The following ROR2 variants were observed in gnomAD, a reference collection of about 807,000 sequenced individuals.
ROR2 encodes tyrosine-protein kinase transmembrane receptor ROR2.
ROR2 carries 33 observed loss-of-function variants against 74.9 expected under a neutral mutation model. The observed-to-expected ratio is 0.44, with a 90% CI of 0.33 to 0.59. The LOEUF (loss-of-function observed/expected upper bound fraction) is 0.59, where lower values mean the gene tolerates loss of function less well. Ranked by LOEUF, ROR2 falls within the 20% of genes least tolerant of loss-of-function variation. The pLI, the probability that ROR2 is intolerant of heterozygous loss-of-function variation, is 0.02. For missense variants in ROR2, 1,216 were observed against 1,313.8 expected (o/e 0.93, Z 1.15); for synonymous variants, 586 against 558.7 (o/e 1.05, Z -0.69).
At chr9:91,935,638 A>C (rs1587859086) in intron 1 of ROR2, among the ~76,000 whole-genome samples, 2 of 152,340 alleles carry the variant, frequency 1.3e-5, no homozygotes, top group East Asian at 3.9e-4. Flanking sequence ...GACGGGCAGC[A>C]CTAGGCGCCT....
chr9:91,949,739 C>G (rs1832119240), intron 1 of ROR2, 128 bp downstream of exon 1: 6 of 700,638 alleles, frequency 8.6e-6, no homozygotes, highest in South Asian at 7.5e-5. Flanking sequence ...GCGAATGGCC[C>G]TGCCTGGCGC....
chr9:91,850,496 A>T (rs951132460), intron 1 of ROR2, among the ~76,000 whole-genome samples: 1 of 152,170 alleles, frequency 6.6e-6, no homozygotes, highest in Non-Finnish European at 1.5e-5. Flanking sequence ...AGCAAAGGGA[A>T]GGAGACAGGG....
intron 1 of ROR2, among the ~76,000 whole-genome samples, chr9:91,780,874 C>T (rs1424900777): frequency 2.6e-5 from 4 of 152,232 alleles, no homozygotes; most frequent in African/African-American, 9.6e-5. Context: ...CACAATCATT[C>T]TCTCATTAAC....
At position 91,950,063 on chromosome 9, in the gene ROR2, C is replaced by T. The variant is rs921178711; in HGVS notation, c.-100G>A. The T allele has an allele frequency of 1.9e-6, 1 of 535,206 alleles. No homozygotes were observed. Among genetic ancestry groups the T allele is most frequent in the Non-Finnish European group, 3.0e-6 (1 of 329,450 alleles). 33.2% of individuals were successfully genotyped at this position (535,206 alleles called of 1,614,324 possible). On this transcript the variant is annotated 5_prime_UTR_variant, in exon 1 of 9. Coordinates refer to ENST00000375708, the MANE Select transcript of ROR2 (RefSeq NM_004560.4). ...CTACGATGCGTCCGCTCCTCCTTCTCCCTGGCGCTTCGCAAACGGGTCCAC... is the reference window on the plus strand; with the variant it reads ...CTACGATGCGTCCGCTCCTCCTTCTTCCTGGCGCTTCGCAAACGGGTCCAC...
intron 1 of ROR2, among the ~76,000 whole-genome samples, chr9:91,890,809 A>G (rs1830403256): frequency 6.6e-6 from 1 of 152,230 alleles, no homozygotes; most frequent in African/African-American, 2.4e-5. Context: ...ATATTCACTG[A>G]AGATCTTTGA....
At chr9:91,755,319 A>C (rs1234711796) in intron 4 of ROR2, among the ~76,000 whole-genome samples, 1 of 152,224 alleles carries the variant, frequency 6.6e-6, no homozygotes, top group Admixed American at 6.5e-5. Flanking sequence ...ACACTTTACC[A>C]ACCATATAGT....
At chr9:91,747,511 A>G (rs544374295) in intron 4 of ROR2, among the ~76,000 whole-genome samples, 9 of 152,236 alleles carry the variant, frequency 5.9e-5, no homozygotes, top group Non-Finnish European at 1.3e-4. Flanking sequence ...CCAAGGCGAT[A>G]CTACTATTCG....
intron 1 of ROR2, among the ~76,000 whole-genome samples, chr9:91,849,910 A>C (rs573579220): frequency 6.6e-6 from 1 of 152,324 alleles, no homozygotes; most frequent in African/African-American, 2.4e-5. Flanking sequence ...CATTTTCTTC[A>C]TTGCTGTGTA....
At chr9:91,831,542 G>A (rs777362485) in intron 1 of ROR2, among the ~76,000 whole-genome samples, 16 of 152,274 alleles carry the variant, frequency 1.1e-4, no homozygotes, top group South Asian at 6.2e-4. Flanking sequence ...TTGGGAGGCC[G>A]AGGTGGGTGG....
chr9:91,868,915 T>A (rs1173893969), intron 1 of ROR2, among the ~76,000 whole-genome samples: 3 of 152,192 alleles, frequency 2.0e-5, no homozygotes, highest in African/African-American at 7.2e-5. Flanking sequence ...CACACATCAA[T>A]GTTGGGAATG....
intron 4 of ROR2, among the ~76,000 whole-genome samples, chr9:91,742,033 A>C (rs1310024637): frequency 6.6e-6 from 1 of 152,252 alleles, no homozygotes; most frequent in Non-Finnish European, 1.5e-5. Context: ...CATACCACTG[A>C]TAAAAGACAT....
chr9:91,775,472 G>A (rs978070378), intron 2 of ROR2, among the ~76,000 whole-genome samples: 2 of 151,980 alleles, frequency 1.3e-5, no homozygotes, highest in Non-Finnish European at 2.9e-5. Flanking sequence ...CTAAGGCTCC[G>A]CTCAGGCCCT....
chr9:91,765,186 T>A (rs982643538), intron 2 of ROR2, among the ~76,000 whole-genome samples: 1 of 152,202 alleles, frequency 6.6e-6, no homozygotes, highest in Non-Finnish European at 1.5e-5. Flanking sequence ...GCTCTCTCCC[T>A]ATTTTTAATA....
chr9:91,733,541 C>A lies in ROR2; in HGVS notation c.623-105G>T. On this transcript the variant is annotated intron_variant, in intron 5 of 8. Transcript: ENST00000375708. This position sits in a 1 kb window ranked among gnomAD's most constrained non-coding sequence, Gnocchi z 5.7. ...GGCATCCCAGACTGCCCACTCAGCC[C>A]CCTGATGCCCCGCCCCGCCCCAGAC... is the stretch of plus-strand genomic sequence containing the variant. 8.0e-7 allele frequency: 1 copy of A among 1,251,678 alleles called. No homozygotes were observed. Among genetic ancestry groups the A allele is most frequent in the Non-Finnish European group, 1.1e-6 (1 of 905,324 alleles). The allele number at this position is 1,251,678 out of a possible 1,614,324, so 77.5% of individuals were successfully genotyped here. A position where few individuals can be genotyped will look rare whatever the true frequency, so the allele number is the denominator to read the frequency against.
chr9:91,925,362 G>A (rs557816873), intron 1 of ROR2, among the ~76,000 whole-genome samples: 1 of 152,124 alleles, frequency 6.6e-6, no homozygotes, highest in East Asian at 1.9e-4. Context: ...CAACAGCTCA[G>A]CCCAAGCCCA....
chr9:91,908,104 T>A (rs1403389159), intron 1 of ROR2, among the ~76,000 whole-genome samples: 1 of 152,030 alleles, frequency 6.6e-6, no homozygotes. Flanking sequence ...CCAAACTGAG[T>A]CTGGAGGCAC....
chr9:91,789,424 A>T (rs953849169), intron 1 of ROR2, among the ~76,000 whole-genome samples: 17 of 152,176 alleles, frequency 1.1e-4, no homozygotes, highest in Non-Finnish European at 2.2e-4. Flanking sequence ...AGACAGTATA[A>T]ACATGTTTTT....
At chr9:91,933,111 G>C (rs1341586283) in intron 1 of ROR2, among the ~76,000 whole-genome samples, 1 of 152,032 alleles carries the variant, frequency 6.6e-6, no homozygotes, top group African/African-American at 2.4e-5. Context: ...AGAACATCGA[G>C]ACTATCCTGA....
chr9:91,929,257 C>T (rs991098560), intron 1 of ROR2, among the ~76,000 whole-genome samples: 2 of 152,178 alleles, frequency 1.3e-5, no homozygotes, highest in Non-Finnish European at 2.9e-5. Context: ...CCAAATGTGC[C>T]CACCCTGGAG....
Sources: gnomAD v4.1 joint callset for allele counts (sites outside exome capture counted in the v4.1 genomes callset) on GRCh38, gnomAD v4.1.1 for gene constraint, Gnocchi (gnomAD v3.1) non-coding constraint, MANE v1.5 for transcripts, NCBI Gene and HGNC (gene_info 2026-07-23, HGNC 2026-07-21) for gene names.